Variants in SEPHS1 observed in about 807,000 individuals in gnomAD.
SEPHS1 encodes the protein selenophosphate synthetase 1, also known as zincore component SEPHS1.
In SEPHS1, 7 loss-of-function variants were observed where a neutral mutation model predicts 39.2. That is an observed-to-expected ratio of 0.18 (90% confidence interval 0.10 to 0.34). The LOEUF is 0.34. SEPHS1 is among the 10% of genes least tolerant of loss of function. The pLI is 1.00. For synonymous variants in SEPHS1, 190 were observed against 195.5 expected (o/e 0.97, Z 0.23); for missense variants, 253 against 514.5 (o/e 0.49, Z 4.92).
At chr10:13,324,188 T>C (rs1204568076) in intron 7 of SEPHS1, among the ~76,000 whole-genome samples, 1 of 152,236 alleles carries the variant, frequency 6.6e-6, no homozygotes, top group Non-Finnish European at 1.5e-5. Flanking sequence ...TATGGAGCTT[T>C]TTCAGACTGG....
intron 3 of SEPHS1, chr10:13,336,560 C>A: frequency 1.7e-6 from 1 of 592,844 alleles, no homozygotes. Flanking sequence ...CTCAGACATT[C>A]CTGTTACCAC....
intron 1 of SEPHS1, chr10:13,347,236 G>A (rs1291454922): frequency 6.6e-6 from 1 of 151,858 alleles, no homozygotes; most frequent in African/African-American, 2.4e-5. Context: ...GCCGGTCAGC[G>A]GGGTGGGCCC....
chr10:13,344,893 G>T lies in SEPHS1; in HGVS notation c.58C>A (p.Leu20Ile). 1 of 1,604,726 alleles carries T rather than the reference G, an allele frequency of 6.2e-7. No individual in the cohort carries two copies. The highest frequency in any genetic ancestry group is 8.5e-7 in the Non-Finnish European group (1 of 1,175,444). The change falls in exon 2 of 9, where the codon CTA becomes ATA. Residue 20 changes from leucine (L) to isoleucine (I), a missense_variant. Leu to Ile is a conservative substitution (Grantham distance 5). Coordinates refer to ENST00000327347, the MANE Select transcript of SEPHS1 (RefSeq NM_012247.5). ...ESYELDKSFR[L>I]TRFTELKGTG... ...CCCTTCAGTTCAGTGAATCTGGTTA[G>T]CCGGAAGCTTTTGTCCAATTCGTAA... is the stretch of plus-strand genomic sequence containing the variant.
intron 4 of SEPHS1, among the ~76,000 whole-genome samples, chr10:13,335,439 G>A (rs1833597998): frequency 6.6e-6 from 1 of 152,106 alleles, no homozygotes; most frequent in African/African-American, 2.4e-5. Context: ...GCCGAAGTGG[G>A]TGGATCACGA....
At chr10:13,328,585 A>C (rs1380738337) in intron 6 of SEPHS1, 135 bp from the exon 7 acceptor site, 2 of 655,026 alleles carry the variant, frequency 3.1e-6, no homozygotes, top group Admixed American at 2.8e-5. Context: ...TGAATTTTCC[A>C]ACTCTGGTTT....
chr10:13,342,739 CTTT>C (rs954868189), intron 2 of SEPHS1, among the ~76,000 whole-genome samples: 1 of 145,166 alleles, frequency 6.9e-6, no homozygotes, highest in African/African-American at 2.5e-5. Flanking sequence ...AAACAGTAAT[CTTT>C]TTTTTTTTTT....
intron 4 of SEPHS1, among the ~76,000 whole-genome samples, chr10:13,334,535 T>G (rs888429129): frequency 1.3e-5 from 2 of 151,390 alleles, no homozygotes; most frequent in African/African-American, 2.4e-5. Flanking sequence ...GAGTGAGACT[T>G]CATCTCAAAA....
Position 13,325,435 on chromosome 10 carries a change from G to A in SEPHS1, c.752-2388C>T, listed in dbSNP as rs1161680651. On this transcript the variant is annotated intron_variant, in intron 7 of 8. Transcript: ENST00000327347. The stretch of plus-strand genomic sequence containing the variant: ...GTTTCCCTCGTGCTGTTCTCGTCAG[G>A]GTGAATGAATTCTCATGAGATCTGA... Among the ~76,000 whole-genome samples, 3 of 152,034 alleles carry A rather than the reference G, an allele frequency of 2.0e-5. No homozygotes were observed. In the East Asian group the frequency reaches 5.8e-4, roughly 29 times the overall value.
At chr10:13,325,940 C>A (rs1405142348) in intron 7 of SEPHS1, among the ~76,000 whole-genome samples, 2 of 24,460 alleles carry the variant, frequency 8.2e-5, no homozygotes, top group Non-Finnish European at 6.6e-5. Context: ...AAAAGAGACT[C>A]AGTCTCAAAA....
intron 1 of SEPHS1, among the ~76,000 whole-genome samples, chr10:13,346,583 C>G (rs1833929040): frequency 6.6e-6 from 1 of 152,042 alleles, no homozygotes; most frequent in African/African-American, 2.4e-5. Flanking sequence ...TGACAAGAGA[C>G]GAGAATTTTG....
chr10:13,342,620 C>T (rs1003248515), intron 2 of SEPHS1, among the ~76,000 whole-genome samples: 5 of 152,134 alleles, frequency 3.3e-5, no homozygotes, highest in Admixed American at 2.0e-4. Context: ...AACACCCATA[C>T]ATATATACCA....
intron 4 of SEPHS1, 84 bp from the exon 5 acceptor site, chr10:13,334,055 A>T (rs1833550922): frequency 1.6e-6 from 2 of 1,233,326 alleles, no homozygotes; most frequent in African/African-American, 3.0e-5. Flanking sequence ...TACAGTTATA[A>T]AAAGAACCAT....
rs548738863 is a variant in SEPHS1, at chr10:13,335,958, C to T, written c.405+285G>A. Among the ~76,000 whole-genome samples, 31 of 133,626 alleles carry T rather than the reference C, an allele frequency of 2.3e-4. No homozygotes were observed. In the East Asian group the frequency reaches 3.2e-3, roughly 14 times the overall value. The allele number at this position is 133,626 out of a possible 152,430, so 87.7% of individuals were successfully genotyped here. Reference sequence around the variant, plus strand: ...TTGCGCCACTACACTCCAGCCTGGGCGACAGAGTGAGACTCCTGTCTCAAA... The same window carrying T: ...TTGCGCCACTACACTCCAGCCTGGGTGACAGAGTGAGACTCCTGTCTCAAA... On this transcript the variant is annotated intron_variant, in intron 4 of 8. Coordinates refer to ENST00000327347, the MANE Select transcript of SEPHS1 (RefSeq NM_012247.5).
intron 7 of SEPHS1, among the ~76,000 whole-genome samples, chr10:13,327,008 A>G (rs1293145245): frequency 6.6e-6 from 1 of 152,030 alleles, no homozygotes. Flanking sequence ...GAGGCCAAGG[A>G]GGGTAGATCA....
chr10:13,345,104 T>G, intron 1 of SEPHS1, 76 bp from the exon 2 acceptor site: 1 of 608,666 alleles, frequency 1.6e-6, no homozygotes, highest in Non-Finnish European at 2.7e-6. Context: ...AGTGAATACA[T>G]GACAGCGAAA....
intron 2 of SEPHS1, among the ~76,000 whole-genome samples, chr10:13,342,298 C>G (rs546959234): frequency 7.3e-6 from 1 of 136,332 alleles, no homozygotes; most frequent in Non-Finnish European, 1.6e-5. Context: ...AATAAACATA[C>G]AGCCGGGTGC....
At chr10:13,345,208 T>C in intron 1 of SEPHS1, 180 bp from the exon 2 acceptor site, 1 of 317,420 alleles carries the variant, frequency 3.2e-6, no homozygotes, top group Non-Finnish European at 5.7e-6. Context: ...CGGGACTGCG[T>C]CAGCACAGAC....
At chr10:13,325,740 T>C (rs1485368951) in intron 7 of SEPHS1, among the ~76,000 whole-genome samples, 1 of 151,598 alleles carries the variant, frequency 6.6e-6, no homozygotes, top group Non-Finnish European at 1.5e-5. Flanking sequence ...CTACTAAAAA[T>C]ACCAAAATTA....
At chr10:13,343,364 C>T (rs954903333) in intron 2 of SEPHS1, among the ~76,000 whole-genome samples, 2 of 152,158 alleles carry the variant, frequency 1.3e-5, no homozygotes, top group Admixed American at 1.3e-4. Flanking sequence ...AACTGAGCTC[C>T]TCAAAGTCCT....
Sources: gnomAD v4.1 joint callset for allele counts (sites outside exome capture counted in the v4.1 genomes callset) on GRCh38, gnomAD v4.1.1 for gene constraint, MANE v1.5 for transcripts, NCBI Gene and HGNC (gene_info 2026-07-23, HGNC 2026-07-21) for gene names.